Variants in BPTF observed in about 807,000 individuals in gnomAD.
BPTF encodes bromodomain PHD finger transcription factor, also known as nucleosome-remodeling factor subunit BPTF.
Under a neutral mutation model 292.5 loss-of-function variants are expected in BPTF, and 18 were observed. The observed-to-expected ratio is 0.06, with a 90% CI of 0.04 to 0.09. The LOEUF (loss-of-function observed/expected upper bound fraction) is 0.09, where lower values mean the gene tolerates loss of function less well. Ranked by LOEUF, BPTF falls within the 10% of genes least tolerant of loss-of-function variation. The pLI is 1.00. For synonymous variants in BPTF, 1,225 were observed against 1,251.9 expected (o/e 0.98, Z 0.45); for missense variants, 2,726 against 3,498.7 (o/e 0.78, Z 5.57).
At chr17:67,950,066 A>AAC (rs1555677796) in intron 23 of BPTF, among the ~76,000 whole-genome samples, 4 of 151,042 alleles carry the variant, frequency 2.6e-5, no homozygotes, top group African/African-American at 9.7e-5. Flanking sequence ...AAAAAAAAAA[A>AAC]AAAAAACATT....
chr17:67,892,156 C>A lies in BPTF; in HGVS notation c.2055+122C>A, dbSNP rs560810324. 24 of 781,474 alleles carry A rather than the reference C, an allele frequency of 3.1e-5. No homozygotes were observed. The South Asian group carries it at 4.8e-4, about 16-fold the overall frequency. 48.4% of individuals were successfully genotyped at this position (781,474 alleles called of 1,614,324 possible). ...TAGACCTATTTTTGAATTATATTTTCTCTGTTTCCGAAACTGTAGTAGTTA... is the reference window on the plus strand; with the variant it reads ...TAGACCTATTTTTGAATTATATTTTATCTGTTTCCGAAACTGTAGTAGTTA... On this transcript the variant is annotated intron_variant, in intron 5 of 27. Coordinates refer to ENST00000306378, the MANE Select transcript of BPTF (RefSeq NM_182641.4).
At chr17:67,870,236 A>G (rs1326333797) in intron 3 of BPTF, among the ~76,000 whole-genome samples, 1 of 151,546 alleles carries the variant, frequency 6.6e-6, no homozygotes, top group African/African-American at 2.4e-5. Flanking sequence ...CCCAAAAATG[A>G]CATAAATATT....
chr17:67,974,570 C>T lies in BPTF; in HGVS notation c.8540-1202C>T, dbSNP rs140153147. On this transcript the variant is annotated intron_variant, in intron 26 of 27. Transcript: ENST00000306378. ...CCAGCCCCAGGTGGTTTTACCTGCA[C>T]GTCTGACCATCTGGCTATAAATCAG... 5.6e-3 allele frequency: 859 copies of T among 152,446 alleles called. 1 individual carries two copies. The highest frequency in any genetic ancestry group is 0.01 in the Middle Eastern group (3 of 294). 9.4% of individuals were successfully genotyped at this position (152,446 alleles called of 1,614,324 possible). A position where few individuals can be genotyped will look rare whatever the true frequency, so the allele number is the denominator to read the frequency against.
intron 12 of BPTF, among the ~76,000 whole-genome samples, 166 bp from the exon 13 acceptor site, chr17:67,919,849 T>G (rs2063319392): frequency 6.6e-6 from 1 of 152,204 alleles, no homozygotes; most frequent in Admixed American, 6.6e-5. Flanking sequence ...TCAGTATTGT[T>G]GCAGTCTAGC....
Position 67,909,562 on chromosome 17 carries a change from C to T in BPTF, c.2813-20C>T, listed in dbSNP as rs779015268. Reference sequence around the variant, plus strand: ...ATACTCTGGAAATAACGTAAATTATCGTTACATGGTTCTTTTTAGCCAAAA... The same window carrying T: ...ATACTCTGGAAATAACGTAAATTATTGTTACATGGTTCTTTTTAGCCAAAA... On this transcript the variant is annotated intron_variant, in intron 9 of 27. Transcript: ENST00000306378. The T allele has an allele frequency of 6.8e-6, 10 of 1,467,814 alleles. No homozygotes were observed. In the South Asian group the frequency reaches 1.0e-4, roughly 15 times the overall value. The allele number at this position is 1,467,814 out of a possible 1,614,324, so 90.9% of individuals were successfully genotyped here. A position where few individuals can be genotyped will look rare whatever the true frequency, so the allele number is the denominator to read the frequency against.
intron 1 of BPTF, among the ~76,000 whole-genome samples, chr17:67,827,055 T>G (rs1449619301): frequency 6.6e-6 from 1 of 152,204 alleles, no homozygotes; most frequent in Non-Finnish European, 1.5e-5. Context: ...TGGTTATTCA[T>G]CCGATTCAGA....
intron 8 of BPTF, 135 bp from the exon 9 acceptor site, chr17:67,904,567 G>T: frequency 1.6e-6 from 1 of 627,468 alleles, no homozygotes; most frequent in Non-Finnish European, 2.5e-6. Context: ...TCCCCACTTG[G>T]AAAAACCTGG....
At chr17:67,897,116 C>T (rs756237649) in intron 7 of BPTF, among the ~76,000 whole-genome samples, 2 of 151,202 alleles carry the variant, frequency 1.3e-5, no homozygotes, top group Admixed American at 6.6e-5. Flanking sequence ...CACCTGAGGT[C>T]GGGAATTCGA....
chr17:67,902,657 T>C (rs1440152508), intron 7 of BPTF, among the ~76,000 whole-genome samples: 3 of 152,024 alleles, frequency 2.0e-5, no homozygotes, highest in Non-Finnish European at 4.4e-5. Flanking sequence ...TCTGGGAACC[T>C]ACAATCACAG....
chr17:67,832,783 CTT>C (rs60751133), intron 1 of BPTF, among the ~76,000 whole-genome samples: 18 of 101,636 alleles, frequency 1.8e-4, no homozygotes, highest in Non-Finnish European at 1.3e-4. Context: ...TGATTCGCCT[CTT>C]TTTTTTTTTT....
At chr17:67,946,825 C>T (rs570136188) in intron 21 of BPTF, among the ~76,000 whole-genome samples, 8 of 152,364 alleles carry the variant, frequency 5.3e-5, no homozygotes, top group Admixed American at 4.6e-4. Flanking sequence ...CCAGCAACAT[C>T]TTGCAATGGC....
At chr17:67,940,353 T>C in intron 18 of BPTF, 86 bp from the exon 19 acceptor site, 1 of 1,185,736 alleles carries the variant, frequency 8.4e-7, no homozygotes, top group Non-Finnish European at 1.2e-6. Flanking sequence ...TGGAAAAGAA[T>C]ACGTTCATGT....
intron 1 of BPTF, among the ~76,000 whole-genome samples, chr17:67,840,145 C>G (rs2057435558): frequency 6.6e-6 from 1 of 150,446 alleles, no homozygotes; most frequent in African/African-American, 2.5e-5. Flanking sequence ...GCTTGTTGCC[C>G]AGGCTGGAGA....
Position 67,940,583 on chromosome 17 carries a change from C to T in BPTF, c.6404C>T (p.Ser2135Leu). 1 of 1,614,132 alleles carries T rather than the reference C, an allele frequency of 6.2e-7. No homozygotes were observed. The highest frequency in any genetic ancestry group is 8.5e-7 in the Non-Finnish European group (1 of 1,180,032). ...ACTTCAAATATACAGTCTTCAGCCT[C>T]ACAACCCCCTCGCCCCCAACAAGGA... Reference protein sequence around the residue: ...TSTSNIQSSASQPPRPQQGQV... With the variant: ...TSTSNIQSSALQPPRPQQGQV... Residue 2135 changes from serine (S) to leucine (L), a missense_variant, in exon 19 of 28, where the codon TCA becomes TTA. By Grantham distance (145) the Ser-to-Leu change is moderately radical. Around this residue, in one of 22 missense-constraint regions of BPTF, gnomAD observed 570 missense variants for 633.5 expected, o/e 0.90. Coordinates refer to ENST00000306378, the MANE Select transcript of BPTF (RefSeq NM_182641.4).
chr17:67,953,432 G>T (rs2148127362), intron 23 of BPTF, among the ~76,000 whole-genome samples: 1 of 149,962 alleles, frequency 6.7e-6, no homozygotes, highest in East Asian at 2.0e-4. Context: ...ATTTTTTTTT[G>T]TTTTTTGAAG....
At chr17:67,878,632 C>T (rs2060191545) in intron 4 of BPTF, among the ~76,000 whole-genome samples, 1 of 152,056 alleles carries the variant, frequency 6.6e-6, no homozygotes, top group Non-Finnish European at 1.5e-5. Flanking sequence ...CTGTTCTTTG[C>T]ACTTGCTAGC....
intron 26 of BPTF, 126 bp from the exon 27 acceptor site, chr17:67,975,646 G>A: frequency 1.3e-6 from 1 of 740,962 alleles, no homozygotes; most frequent in Middle Eastern, 2.7e-4. Flanking sequence ...ATAACCTCCA[G>A]GGTGAACCAG....
At chr17:67,931,414 A>G (rs2064376754) in intron 17 of BPTF, among the ~76,000 whole-genome samples, 1 of 152,226 alleles carries the variant, frequency 6.6e-6, no homozygotes, top group Non-Finnish European at 1.5e-5. Flanking sequence ...GAGCCAGGCT[A>G]CGATGAGCTG....
Position 67,984,080 on chromosome 17 carries a change from A to G in BPTF, c.*1792A>G, listed in dbSNP as rs1284942141. 1 of 152,614 alleles carries G rather than the reference A, an allele frequency of 6.6e-6. No homozygotes were observed. Among genetic ancestry groups the G allele is most frequent in the African/African-American group, 2.4e-5 (1 of 41,456 alleles). 9.5% of individuals were successfully genotyped at this position (152,614 alleles called of 1,614,324 possible). A position where few individuals can be genotyped will look rare whatever the true frequency, so the allele number is the denominator to read the frequency against. On this transcript the variant is annotated 3_prime_UTR_variant, in exon 28 of 28. Coordinates refer to ENST00000306378, the MANE Select transcript of BPTF (RefSeq NM_182641.4). ...TAAATATGGGTTATTTTGTCCTTTT[A>G]CTTTTTTAAAAAATGTTACATATTG...
Sources: allele counts gnomAD v4.1 joint callset (sites outside exome capture counted in the v4.1 genomes callset), GRCh38; gene constraint gnomAD v4.1.1; regional missense constraint gnomAD v4.1.1; transcripts MANE v1.5; gene names NCBI Gene and HGNC (gene_info 2026-07-23, HGNC 2026-07-21).